KLC2: variants seen among roughly 807,000 people sequenced by gnomAD.
The protein encoded by KLC2 is kinesin light chain 2.
KLC2 carries 35 observed loss-of-function variants against 75.1 expected under a neutral mutation model. The observed-to-expected ratio is 0.47, with a 90% CI of 0.36 to 0.62. KLC2 has a LOEUF of 0.62. Among genes scored for constraint, KLC2 ranks in the 20% least tolerant of loss-of-function variants. The probability of loss-of-function intolerance (pLI) is 0.00; values close to 1 mark genes in which losing one functional copy is unlikely to be tolerated. For synonymous variants in KLC2, 314 were observed against 336.7 expected (o/e 0.93, Z 0.74); for missense variants, 611 against 833.2 (o/e 0.73, Z 3.28).
At chr11:66,265,405 G>A (rs995574380) in intron 11 of KLC2, 170 bp downstream of exon 11, 7 of 705,154 alleles carry the variant, frequency 9.9e-6, no homozygotes, top group Admixed American at 8.6e-5. Flanking sequence ...TAATTCTCTG[G>A]CTCTGGGTCT....
rs1223033982 is a variant in KLC2, at chr11:66,266,442, G to A, written c.1737G>A (p.Arg579=). The A allele has an allele frequency of 1.2e-6, 2 of 1,610,100 alleles. No individual in the cohort carries two copies. Among genetic ancestry groups the A allele is most frequent in the East Asian group, 2.2e-5 (1 of 44,792 alleles). The change falls in exon 15 of 16, where the codon CGG becomes CGA. Residue 579 remains arginine (R), a synonymous_variant. Transcript: ENST00000394067. Reference sequence around the variant, plus strand: ...TGTCCTTTTCCCTCAGGATGAAGCGGGCCAGTTCCCTCAACTTCCTCAACA... The same window carrying A: ...TGTCCTTTTCCCTCAGGATGAAGCGAGCCAGTTCCCTCAACTTCCTCAACA... ...PQEPPNPRMK[R]ASSLNFLNKS...
At position 66,264,365 on chromosome 11, in the gene KLC2, G is replaced by A. The variant is rs769783272; in HGVS notation, c.1137G>A (p.Gln379=). The A allele has an allele frequency of 1.2e-6, 2 of 1,613,250 alleles. No individual in the cohort carries two copies. The highest frequency in any genetic ancestry group is 2.2e-5 in the East Asian group (1 of 44,884). The part of the protein sequence containing the change: ...KNNLASCYLK[Q]GKYQDAETLY... ...TCCAGGCTTCCTGCTACCTGAAGCA[G>A]GGCAAGTACCAGGATGCGGAGACCT... The change falls in exon 9 of 16, where the codon CAG becomes CAA. Residue 379 remains glutamine, a synonymous_variant. Transcript: ENST00000394067.
At chr11:66,258,427 T>C (rs1051571326) in intron 1 of KLC2, 157 bp from the exon 2 acceptor site, 10 of 602,758 alleles carry the variant, frequency 1.7e-5, no homozygotes, top group African/African-American at 1.3e-4. Flanking sequence ...GCGCGCCCTC[T>C]GTAGGCCAAG....
At chr11:66,244,625 T>G in the KLC2 span, 1 of 152,308 alleles carries the variant, frequency 6.6e-6, no homozygotes, top group Non-Finnish European at 1.5e-5. Flanking sequence ...CCTCCAGCCC[T>G]TCCCAGGGCT....
At position 66,258,673 on chromosome 11, in the gene KLC2, G is replaced by A. The variant is rs1212802220; in HGVS notation, c.79G>A (p.Gly27Arg). 1.2e-6 allele frequency: 2 copies of A among 1,613,930 alleles called. No individual in the cohort carries two copies. Among genetic ancestry groups the A allele is most frequent in the Admixed American group, 1.7e-5 (1 of 60,010 alleles). ...IVLGTKAVIQ[G>R]LETLRGEHRA... ...GCTGGGCACCAAGGCTGTCATCCAG[G>A]GACTGGAGACTCTGCGTGGGGAGCA... Residue 27 changes from glycine to arginine, a missense_variant, in exon 2 of 16, where the codon GGA (glycine) becomes AGA (arginine). Physicochemically the swap from Gly to Arg is moderately radical, Grantham distance 125. Transcript: ENST00000394067.
chr11:66,252,675 A>T (rs1855974022), upstream of KLC2, among the ~76,000 whole-genome samples: 1 of 152,180 alleles, frequency 6.6e-6, no homozygotes, highest in African/African-American at 2.4e-5. Context: ...AAAAAGCGAC[A>T]CCACTAGCAA....
In KLC2 at chr11:66,267,785, T is replaced by C. The variant is rs1034332858; in HGVS notation, c.*829T>C. 6.7e-6 allele frequency: 3 copies of C among 446,702 alleles called. No individual in the cohort carries two copies. Among genetic ancestry groups the C allele is most frequent in the African/African-American group, 6.5e-5 (3 of 46,248 alleles). 27.7% of individuals were successfully genotyped at this position (446,702 alleles called of 1,614,324 possible). On this transcript the variant is annotated 3_prime_UTR_variant, in exon 16 of 16. Coordinates refer to ENST00000394067, the MANE Select transcript of KLC2 (RefSeq NM_001318734.2). The stretch of plus-strand genomic sequence containing the variant: ...ACGGTCCCCTGGTGGCAGGAGGGGC[T>C]CCCCCTGTTGCGGGTGAGGCGGCTG...
chr11:66,263,035 C>G lies in KLC2; in HGVS notation c.751C>G (p.Arg251Gly). 1 of 1,610,806 alleles carries G rather than the reference C, an allele frequency of 6.2e-7. No homozygotes were observed. Among genetic ancestry groups the G allele is most frequent in the Non-Finnish European group, 8.5e-7 (1 of 1,177,148 alleles). The change falls in exon 5 of 16, where the codon CGG (arginine) becomes GGG (glycine). Residue 251 changes from arginine (R) to glycine (G), a missense_variant and splice_region_variant. Physicochemically the swap from Arg to Gly is moderately radical, Grantham distance 125. Transcript: ENST00000394067. ...TMLNILALVY[R>G]DQNKYKEAAH... The stretch of plus-strand genomic sequence containing the variant: ...GCTGAACATCCTGGCACTGGTCTAT[C>G]GGTGAGGACTCTCTGGGGGTGCCCA...
chr11:66,262,243 T>C (rs767262523), intron 4 of KLC2, 51 bp downstream of exon 4: 7 of 1,474,988 alleles, frequency 4.7e-6, no homozygotes, highest in Non-Finnish European at 4.7e-6. Flanking sequence ...TGTGAACTCT[T>C]GGTCCTTGGG....
chr11:66,243,948 TC>T, the KLC2 span: 1 of 152,258 alleles, frequency 6.6e-6, no homozygotes, highest in Non-Finnish European at 1.5e-5. Flanking sequence ...CCTCCCAGTC[TC>T]CCCCCACCAC....
At position 66,264,415 on chromosome 11, in the gene KLC2, C is replaced by G; in HGVS notation, c.1187C>G (p.Ala396Gly). The change falls in exon 9 of 16, where the codon GCT becomes GGT. Residue 396 changes from alanine to glycine, a missense_variant. Transcript: ENST00000394067. ...TTGTACAAGGAGATCCTCACCCGCG[C>G]TCATGAGAAAGAGTTTGGCTCTGTC... is the stretch of plus-strand genomic sequence containing the variant. ...ETLYKEILTR[A>G]HEKEFGSVNG... 6.2e-7 allele frequency: 1 copy of G among 1,613,596 alleles called. No individual in the cohort carries two copies. Among genetic ancestry groups the G allele is most frequent in the Non-Finnish European group, 8.5e-7 (1 of 1,179,782 alleles).
At chr11:66,265,343 C>G in intron 11 of KLC2, 108 bp downstream of exon 11, 1 of 972,564 alleles carries the variant, frequency 1.0e-6, no homozygotes, top group South Asian at 1.5e-5. Flanking sequence ...CTGGCAAGGC[C>G]CAACTCACAG....
Position 66,266,925 on chromosome 11 carries a change from A to C in KLC2, c.1838A>C (p.Asp613Ala). 6.2e-7 allele frequency: 1 copy of C among 1,613,008 alleles called. No homozygotes were observed. Among genetic ancestry groups the C allele is most frequent in the Non-Finnish European group, 8.5e-7 (1 of 1,179,922 alleles). Reference protein sequence around the residue: ...DSRTLSSSSMDLSRRSSLVG With the variant: ...DSRTLSSSSMALSRRSSLVG ...CGCACTCTCAGCTCCAGCTCCATGG[A>C]CCTCTCCCGACGAAGCTCCCTGGTG... The change falls in exon 16 of 16, where the codon GAC becomes GCC. Residue 613 changes from aspartate to alanine, a missense_variant. Asp to Ala is a moderately radical substitution (Grantham distance 126). Transcript: ENST00000394067.
rs141806371 is a variant in KLC2 at position 66,263,880 on chromosome 11, C to A, written c.870C>A (p.Val290=). The A allele has an allele frequency of 6.4e-5, 104 of 1,614,156 alleles. No homozygotes were observed. Among genetic ancestry groups the A allele is most frequent in the Non-Finnish European group, 8.4e-5 (99 of 1,180,010 alleles). The stretch of plus-strand genomic sequence containing the variant: ...CTGCGACACTAAACAACCTGGCAGT[C>A]CTGTATGGCAAGAGGGGCAAGTACA... ...AVAATLNNLA[V]LYGKRGKYKE... Residue 290 remains valine (V), a synonymous_variant, in exon 7 of 16, where the codon GTC becomes GTA. Coordinates refer to ENST00000394067, the MANE Select transcript of KLC2 (RefSeq NM_001318734.2).
rs765439789 is a variant in KLC2 at position 66,261,786 on chromosome 11, G to A, written c.273G>A (p.Glu91=). The A allele has an allele frequency of 2.5e-6, 4 of 1,612,728 alleles. No homozygotes were observed. In the East Asian group the frequency reaches 8.9e-5, roughly 36 times the overall value. ...LSSHLGAVES[E]KQKLRAQVRR... ...GCCACCTGGGGGCTGTAGAATCAGA[G>A]AAGCAGAAGCTGCGGGCGCAGGTGC... Residue 91 remains glutamate (E), a synonymous_variant, in exon 3 of 16, where the codon GAG becomes GAA. Coordinates refer to ENST00000394067, the MANE Select transcript of KLC2 (RefSeq NM_001318734.2).
At position 66,258,968 on chromosome 11, in the gene KLC2, A is replaced by G; in HGVS notation, c.228+146A>G. Reference sequence around the variant, plus strand: ...TAGGACCCCAGTAAATACCTTTTGAAGAAATAAATGCACTTTGGCGACCCC... The same window carrying G: ...TAGGACCCCAGTAAATACCTTTTGAGGAAATAAATGCACTTTGGCGACCCC... On this transcript the variant is annotated intron_variant, in intron 2 of 15. Transcript: ENST00000394067. 4 of 634,404 alleles carry G rather than the reference A, an allele frequency of 6.3e-6. No individual in the cohort carries two copies. In the South Asian group the frequency reaches 7.8e-5, roughly 12 times the overall value. The allele number at this position is 634,404 out of a possible 1,614,324, so 39.3% of individuals were successfully genotyped here.
chr11:66,260,295 G>T (rs1856301012), intron 2 of KLC2, among the ~76,000 whole-genome samples: 1 of 152,164 alleles, frequency 6.6e-6, no homozygotes, highest in African/African-American at 2.4e-5. Context: ...CTGCCAGTTG[G>T]CCGTCAGAGG....
At chr11:66,264,552 G>C (rs1223135594) in intron 9 of KLC2, 108 bp downstream of exon 9, 1 of 835,232 alleles carries the variant, frequency 1.2e-6, no homozygotes, top group African/African-American at 1.7e-5. Flanking sequence ...GCTTTGGCCT[G>C]GCTGGTCACC....
chr11:66,246,493 T>C, the KLC2 span, among the ~76,000 whole-genome samples: 1 of 152,158 alleles, frequency 6.6e-6, no homozygotes, highest in Admixed American at 6.5e-5. Context: ...CCCATCCCTC[T>C]TCACTCCTTG....
Sources: gnomAD v4.1 joint callset for allele counts (sites outside exome capture counted in the v4.1 genomes callset) on GRCh38, gnomAD v4.1.1 for gene constraint, MANE v1.5 for transcripts, NCBI Gene and HGNC (gene_info 2026-07-23, HGNC 2026-07-21) for gene names.